Variants in PKP4 observed in about 807,000 individuals in gnomAD.
The protein encoded by PKP4 is plakophilin-4.
PKP4 carries 90 observed loss-of-function variants against 145.1 expected under a neutral mutation model. That is an observed-to-expected ratio of 0.62 (90% confidence interval 0.52 to 0.74). The LOEUF is 0.74. Among genes scored for constraint, PKP4 ranks in the 30% least tolerant of loss-of-function variants. The pLI, the probability that PKP4 is intolerant of heterozygous loss-of-function variation, is 0.00. For synonymous variants in PKP4, 563 were observed against 577.2 expected, an observed-to-expected ratio of 0.98 and a Z score of 0.35; for missense variants, 1,340 against 1,482.7, an observed-to-expected ratio of 0.90 and a Z score of 1.58.
At chr2:158,605,660 T>C (rs149955327) in intron 4 of PKP4, among the ~76,000 whole-genome samples, 2 of 152,310 alleles carry the variant, frequency 1.3e-5, no homozygotes, top group Non-Finnish European at 2.9e-5. Flanking sequence ...ATTCATACTA[T>C]ATAGTTTACC....
chr2:158,648,185 G>T (rs1232310151), intron 11 of PKP4, among the ~76,000 whole-genome samples: 2 of 152,118 alleles, frequency 1.3e-5, no homozygotes, highest in Non-Finnish European at 2.9e-5. Flanking sequence ...TTCCAATTTA[G>T]TAAGTGATTA....
intron 1 of PKP4, among the ~76,000 whole-genome samples, chr2:158,498,911 A>G (rs558294019): frequency 6.7e-6 from 1 of 149,682 alleles, no homozygotes; most frequent in Admixed American, 6.7e-5. Flanking sequence ...AGCACAGCTG[A>G]TGGTGGTGAC....
chr2:158,534,807 C>T (rs1477660529), intron 2 of PKP4, among the ~76,000 whole-genome samples: 1 of 152,094 alleles, frequency 6.6e-6, no homozygotes, highest in Non-Finnish European at 1.5e-5. Context: ...CAAATGACTT[C>T]AAAATTTTAT....
Position 158,677,065 on chromosome 2 carries a change from T to TTGTA in PKP4, c.3256+215_3256+218dup, listed in dbSNP as rs556790740. 9.5e-4 allele frequency: 626 copies of TTGTA among 657,966 alleles called. 2 individuals are homozygous for TTGTA. The highest frequency in any genetic ancestry group is 1.6e-3 in the South Asian group (101 of 63,250). The allele number at this position is 657,966 out of a possible 1,614,324, so 40.8% of individuals were successfully genotyped here. A position where few individuals can be genotyped will look rare whatever the true frequency, so the allele number is the denominator to read the frequency against. ...TAAAGTAAAACAAGCATGTACTTGTTTGTATGTATGTATGTATGTAGTTGT... is the reference window on the plus strand; with the variant it reads ...TAAAGTAAAACAAGCATGTACTTGTTTGTATGTATGTATGTATGTATGTAGTTGT... On this transcript the variant is annotated intron_variant, in intron 20 of 21. Coordinates refer to ENST00000389759, the MANE Select transcript of PKP4 (RefSeq NM_003628.6).
At chr2:158,459,675 G>A (rs1689456943) in intron 1 of PKP4, among the ~76,000 whole-genome samples, 1 of 152,126 alleles carries the variant, frequency 6.6e-6, no homozygotes, top group Non-Finnish European at 1.5e-5. Flanking sequence ...TTACAGCAGT[G>A]TTTAACCCAT....
chr2:158,467,238 G>A (rs370429831), intron 1 of PKP4, among the ~76,000 whole-genome samples: 1 of 152,000 alleles, frequency 6.6e-6, no homozygotes, highest in Admixed American at 6.6e-5. Flanking sequence ...TTCCCCAGTG[G>A]TAACATCTTG....
chr2:158,553,399 C>T (rs2045803069), intron 2 of PKP4, among the ~76,000 whole-genome samples: 1 of 152,146 alleles, frequency 6.6e-6, no homozygotes, highest in Non-Finnish European at 1.5e-5. Flanking sequence ...GGATGACCCA[C>T]TTGTTTAATG....
intron 2 of PKP4, among the ~76,000 whole-genome samples, chr2:158,544,547 G>A (rs1054104220): frequency 1.3e-5 from 2 of 151,984 alleles, no homozygotes; most frequent in African/African-American, 2.4e-5. Context: ...AAAAGTCCTC[G>A]TTATATTGTA....
chr2:158,630,108 T>C (rs2053217445), intron 7 of PKP4, among the ~76,000 whole-genome samples: 1 of 152,232 alleles, frequency 6.6e-6, no homozygotes, highest in African/African-American at 2.4e-5. Context: ...CTGACTGGCT[T>C]CAGATATGTT....
chr2:158,663,028 T>C lies in PKP4; in HGVS notation c.2343T>C (p.Ser781=), dbSNP rs1558975386. ...LLGKESPSKD[S]EPSCWGKKKK... is the part of the protein sequence containing the mutation. ...GAAAAGAGTCTCCCAGCAAAGACTC[T>C]GAGCCAAGTTGCTGGGGGAAGAAGA... Residue 781 remains serine (S), a synonymous_variant, in exon 14 of 22, where the codon TCT becomes TCC. Transcript: ENST00000389759. The C allele has an allele frequency of 6.2e-7, 1 of 1,613,986 alleles. No individual in the cohort carries two copies.
At chr2:158,661,987 C>T (rs1381097343) in intron 13 of PKP4, among the ~76,000 whole-genome samples, 1 of 152,278 alleles carries the variant, frequency 6.6e-6, no homozygotes, top group Non-Finnish European at 1.5e-5. Context: ...ACAGGGCATT[C>T]TGCTCATCAT....
At chr2:158,470,378 T>C (rs1220312973) in intron 1 of PKP4, among the ~76,000 whole-genome samples, 1 of 152,132 alleles carries the variant, frequency 6.6e-6, no homozygotes, top group Non-Finnish European at 1.5e-5. Context: ...CATCAGCAAG[T>C]CTAGTTTCTA....
intron 1 of PKP4, among the ~76,000 whole-genome samples, chr2:158,521,875 C>A (rs550845071): frequency 6.6e-6 from 1 of 152,284 alleles, no homozygotes; most frequent in South Asian, 2.1e-4. Flanking sequence ...TTTTGTTCAT[C>A]TAATGCTTAT....
intron 3 of PKP4, among the ~76,000 whole-genome samples, chr2:158,581,150 C>A (rs926788369): frequency 6.6e-6 from 1 of 152,156 alleles, no homozygotes; most frequent in African/African-American, 2.4e-5. Flanking sequence ...GTCTTGGAAC[C>A]AGAATCTAAG....
At chr2:158,639,214 A>C (rs2105927074) in intron 9 of PKP4, among the ~76,000 whole-genome samples, 1 of 152,318 alleles carries the variant, frequency 6.6e-6, no homozygotes, top group Admixed American at 6.5e-5. Context: ...TTAAGACTAA[A>C]CTTTTTAGTT....
intron 1 of PKP4, among the ~76,000 whole-genome samples, chr2:158,532,723 A>G (rs982829379): frequency 6.6e-6 from 1 of 152,246 alleles, no homozygotes; most frequent in Non-Finnish European, 1.5e-5. Flanking sequence ...GAATAATCAG[A>G]TTCTTCTAAA....
chr2:158,600,063 ATAT>A lies in PKP4; in HGVS notation c.246-3003_246-3001del, dbSNP rs558075265. Among the ~76,000 whole-genome samples the A allele has an allele frequency of 1.4e-4, 21 of 152,346 alleles. No individual in the cohort carries two copies. The South Asian group carries it at 2.3e-3, about 17-fold the overall frequency. ...GTGATCTACAACATATTTTCATGTA[ATAT>A]TATGATGAAGGCACATTGTCTTCCT... On this transcript the variant is annotated intron_variant, in intron 3 of 21. Coordinates refer to ENST00000389759, the MANE Select transcript of PKP4 (RefSeq NM_003628.6).
chr2:158,547,070 G>C (rs77988789), intron 2 of PKP4, among the ~76,000 whole-genome samples: 2 of 152,092 alleles, frequency 1.3e-5, no homozygotes, highest in Non-Finnish European at 2.9e-5. Context: ...TGGGCCATGG[G>C]GGGGCAGTGG....
At chr2:158,546,150 A>T (rs1188142799) in intron 2 of PKP4, among the ~76,000 whole-genome samples, 2 of 152,228 alleles carry the variant, frequency 1.3e-5, no homozygotes, top group Non-Finnish European at 2.9e-5. Context: ...AGTTAAGTAA[A>T]GAATTTTAGT....
Sources: gnomAD v4.1 joint callset for allele counts (sites outside exome capture counted in the v4.1 genomes callset) on GRCh38, gnomAD v4.1.1 for gene constraint, MANE v1.5 for transcripts, NCBI Gene and HGNC (gene_info 2026-07-23, HGNC 2026-07-21) for gene names.